PTPRT: variants seen among roughly 807,000 people sequenced by gnomAD.
The protein encoded by PTPRT is protein tyrosine phosphatase receptor type T.
A neutral mutation model predicts 176.8 loss-of-function variants in PTPRT; 56 were observed. That is an observed-to-expected ratio of 0.32 (90% confidence interval 0.26 to 0.40). The LOEUF (loss-of-function observed/expected upper bound fraction) is 0.40. PTPRT is among the 10% of genes least tolerant of loss of function. The pLI is 1.00. For synonymous variants in PTPRT, 783 were observed against 739.0 expected (o/e 1.06, Z -0.96); for missense variants, 1,540 against 1,908.2 (o/e 0.81, Z 3.60).
intron 1 of PTPRT, among the ~76,000 whole-genome samples, chr20:43,099,146 ATAATGTATT>A (rs1245367726): frequency 3.7e-5 from 4 of 106,850 alleles, no homozygotes; most frequent in African/African-American, 8.3e-5. Flanking sequence ...CACCATAATA[ATAATGTATT>A]TTATATCATG....
chr20:43,019,178 G>A (rs1202778428), intron 1 of PTPRT, among the ~76,000 whole-genome samples: 1 of 152,164 alleles, frequency 6.6e-6, no homozygotes, highest in African/African-American at 2.4e-5. Context: ...AGATCATTGT[G>A]ATGGTTGATT....
chr20:43,031,732 C>T (rs1400035127), intron 1 of PTPRT, among the ~76,000 whole-genome samples: 1 of 152,162 alleles, frequency 6.6e-6, no homozygotes, highest in East Asian at 1.9e-4. Context: ...ATGAATATCT[C>T]TATACAGGGG....
At chr20:42,101,664 ATCC>A (rs1985947263) in intron 26 of PTPRT, among the ~76,000 whole-genome samples, 1 of 152,176 alleles carries the variant, frequency 6.6e-6, no homozygotes, top group African/African-American at 2.4e-5. Flanking sequence ...ACTGTGCGCC[ATCC>A]TCATTTTTGT....
chr20:42,522,641 T>A (rs1163949734), intron 7 of PTPRT, among the ~76,000 whole-genome samples: 2 of 152,154 alleles, frequency 1.3e-5, no homozygotes, highest in Non-Finnish European at 2.9e-5. Flanking sequence ...TTTCTACTTT[T>A]TGTAGAGATG....
intron 17 of PTPRT, among the ~76,000 whole-genome samples, chr20:42,150,076 T>G (rs1456358741): frequency 1.3e-5 from 2 of 152,148 alleles, no homozygotes; most frequent in Non-Finnish European, 2.9e-5. Context: ...GTGTGGCTGA[T>G]TTTTTCTTCT....
chr20:42,731,144 T>A (rs1396222615), intron 6 of PTPRT, among the ~76,000 whole-genome samples: 1 of 152,162 alleles, frequency 6.6e-6, no homozygotes, highest in Non-Finnish European at 1.5e-5. Flanking sequence ...TCACCTAGCC[T>A]GCAAACACAG....
chr20:42,555,746 C>T (rs1314847074), intron 7 of PTPRT, among the ~76,000 whole-genome samples: 1 of 152,104 alleles, frequency 6.6e-6, no homozygotes, highest in Non-Finnish European at 1.5e-5. Context: ...AAGGAATGTA[C>T]CTGTGTCACT....
At chr20:42,308,277 C>T (rs1332980960) in intron 12 of PTPRT, among the ~76,000 whole-genome samples, 1 of 152,024 alleles carries the variant, frequency 6.6e-6, no homozygotes, top group Non-Finnish European at 1.5e-5. Flanking sequence ...TTCTTTCTTC[C>T]ACAAGAACCA....
chr20:42,346,860 G>T (rs574986768), intron 11 of PTPRT, among the ~76,000 whole-genome samples: 1 of 152,360 alleles, frequency 6.6e-6, no homozygotes, highest in South Asian at 2.1e-4. Flanking sequence ...ACCCACTGAA[G>T]CTCACAAGTG....
intron 17 of PTPRT, among the ~76,000 whole-genome samples, chr20:42,151,213 C>T (rs995841276): frequency 5.3e-5 from 8 of 151,742 alleles, no homozygotes; most frequent in African/African-American, 1.9e-4. Flanking sequence ...TATACATGTG[C>T]CATGGTGGTT....
In PTPRT at chr20:42,538,144, A is replaced by C. The variant is rs79485821; in HGVS notation, c.1154-65582T>G. On this transcript the variant is annotated intron_variant, in intron 7 of 30. Transcript: ENST00000373187. ...AGAGATTATAAAAAAGAAAAAAAAA[A>C]CAAAACAAATACACATCTGCTTAAG... Among the ~76,000 whole-genome samples the C allele has an allele frequency of 1.8e-4, 28 of 152,082 alleles. 1 individual carries two copies. The highest frequency in any genetic ancestry group is 2.9e-5 in the Non-Finnish European group (2 of 67,994).
chr20:42,786,791 G>C (rs946266631), intron 3 of PTPRT, among the ~76,000 whole-genome samples: 1 of 152,184 alleles, frequency 6.6e-6, no homozygotes. Flanking sequence ...TGAGCTTTTA[G>C]AGATACTTTA....
chr20:42,145,029 T>C (rs550643706), intron 17 of PTPRT, among the ~76,000 whole-genome samples: 2 of 152,150 alleles, frequency 1.3e-5, no homozygotes, highest in South Asian at 4.1e-4. Context: ...TTTCCTAGAG[T>C]TGGAGTTGGA....
intron 1 of PTPRT, among the ~76,000 whole-genome samples, chr20:43,114,153 G>A (rs11086860): frequency 0.19 from 29,513 of 152,090 alleles, 4,936 homozygotes; most frequent in African/African-American, 0.46. Context: ...GAGCCACTCT[G>A]CTTCTCTAAG....
chr20:43,034,845 G>A (rs1986308709), intron 1 of PTPRT, among the ~76,000 whole-genome samples: 1 of 151,970 alleles, frequency 6.6e-6, no homozygotes, highest in South Asian at 2.1e-4. Context: ...GCTTAGCTAG[G>A]ATTACTTGCT....
intron 1 of PTPRT, among the ~76,000 whole-genome samples, chr20:42,954,320 T>C (rs1981477180): frequency 6.6e-6 from 1 of 152,118 alleles, no homozygotes; most frequent in Non-Finnish European, 1.5e-5. Flanking sequence ...AGCAAAATCA[T>C]GATAAGGCTC....
At chr20:42,158,156 T>C (rs141494308) in intron 17 of PTPRT, among the ~76,000 whole-genome samples, 2 of 152,358 alleles carry the variant, frequency 1.3e-5, no homozygotes, top group Admixed American at 6.5e-5. Flanking sequence ...TTGGAGTGGT[T>C]TGTAACATAG....
chr20:42,143,162 G>T (rs751360260), intron 17 of PTPRT, among the ~76,000 whole-genome samples: 7 of 152,144 alleles, frequency 4.6e-5, no homozygotes, highest in Non-Finnish European at 1.0e-4. Context: ...GTTTTGGGCA[G>T]GGGAATCATC....
rs563564272 is a variant in PTPRT at position 42,206,048 on chromosome 20, G to A, written c.2343-6660C>T. 1.5e-4 allele frequency among the ~76,000 whole-genome samples: 23 copies of A among 152,240 alleles called. 1 individual carries two copies. The South Asian group carries it at 4.6e-3, about 30-fold the overall frequency. ...ATGTAGGATGCAAGCCCTGCTTTCT[G>A]CCTGCCAGTTCAGGAATGTGGACAC... is the stretch of plus-strand genomic sequence containing the variant. On this transcript the variant is annotated intron_variant, in intron 15 of 30. Transcript: ENST00000373187.
Sources: allele counts gnomAD v4.1 joint callset (sites outside exome capture counted in the v4.1 genomes callset), GRCh38; gene constraint gnomAD v4.1.1; transcripts MANE v1.5; gene names NCBI Gene and HGNC (gene_info 2026-07-23, HGNC 2026-07-21).